The following CARHSP1 variants were observed in gnomAD, a reference collection of about 807,000 sequenced individuals.
CARHSP1 encodes calcium-regulated heat-stable protein 1.
Under a neutral mutation model 12.5 loss-of-function variants are expected in CARHSP1, and 14 were observed. That is an observed-to-expected ratio of 1.12 (90% CI 0.74 to 1.75). The LOEUF (loss-of-function observed/expected upper bound fraction) is 1.75. Ranked by LOEUF, CARHSP1 falls within the 40% of genes most tolerant of loss-of-function variation. The probability of loss-of-function intolerance (pLI) is 0.00; values close to 1 mark genes in which losing one functional copy is unlikely to be tolerated. For missense variants in CARHSP1, 343 were observed against 201.6 expected (o/e 1.70, Z -4.25); for synonymous variants, 161 against 82.0 (o/e 1.96, Z -5.20).
rs2061044255 is a variant in CARHSP1, at chr16:8,854,815, GGTT to G, written c.*346_*348del. 2.8e-5 allele frequency: 5 copies of G among 180,778 alleles called. No individual in the cohort carries two copies. Among genetic ancestry groups the G allele is most frequent in the Admixed American group, 2.5e-4 (4 of 16,004 alleles). The allele number at this position is 180,778 out of a possible 1,614,324, so 11.2% of individuals were successfully genotyped here. On this transcript the variant is annotated 3_prime_UTR_variant, in exon 4 of 4. Coordinates refer to ENST00000311052, the MANE Select transcript of CARHSP1 (RefSeq NM_014316.4). ...CTCCAGGAGGAAGAGGGATTCTGTG[GGTT>G]GAGCCCATGTGTCTGAGCAGCTGGA...
chr16:8,861,702 G>A (rs1476568939), intron 1 of CARHSP1: 3 of 1,288,860 alleles, frequency 2.3e-6, no homozygotes, highest in Non-Finnish European at 2.0e-6. Flanking sequence ...CGCGGCCAAG[G>A]AGGAACTCCT....
chr16:8,861,541 G>A, intron 1 of CARHSP1: 1 of 1,158,828 alleles, frequency 8.6e-7, no homozygotes, highest in Non-Finnish European at 1.1e-6. Flanking sequence ...GAGGAGAAGG[G>A]ATGCCCCATC....
In CARHSP1 at chr16:8,859,174, G is replaced by A. The variant is rs762364897; in HGVS notation, c.155C>T (p.Ser52Leu). ...PLPTRRTRTF[S>L]ATVRASQGPV... ...CCCCAGCCTGCTCCAGACTCACGCC[G>A]AGAAGGTCCTCGTCCGGCGAGTGGG... The change falls in exon 2 of 4, where the codon TCG becomes TTG. Residue 52 changes from serine (S) to leucine (L), a missense_variant. Coordinates refer to ENST00000311052, the MANE Select transcript of CARHSP1 (RefSeq NM_014316.4). 23 of 1,597,800 alleles carry A rather than the reference G, an allele frequency of 1.4e-5. No homozygotes were observed. Among genetic ancestry groups the A allele is most frequent in the East Asian group, 6.7e-5 (3 of 44,450 alleles).
Position 8,863,875 on chromosome 16 carries a change from C to G in CARHSP1, c.-7-4540G>C, listed in dbSNP as rs566860737. On this transcript the variant is annotated intron_variant, in intron 1 of 3. Transcript: ENST00000311052. ...ACACAAGGATGGGGCCACACAGCAGCCCCGCCCACCAGCACAGTCCCAGCT... is the reference window on the plus strand; with the variant it reads ...ACACAAGGATGGGGCCACACAGCAGGCCCGCCCACCAGCACAGTCCCAGCT... 4.5e-3 allele frequency among the ~76,000 whole-genome samples: 681 copies of G among 152,302 alleles called. 1 individual carries two copies. The highest frequency in any genetic ancestry group is 0.015 in the African/African-American group (639 of 41,570).
intron 1 of CARHSP1, chr16:8,866,539 C>T (rs866255472): frequency 2.5e-5 from 22 of 882,180 alleles, no homozygotes; most frequent in Non-Finnish European, 2.9e-5. Context: ...GGCCGAGAGG[C>T]GGGGCGGGTC....
intron 1 of CARHSP1, chr16:8,859,707 G>A (rs1289179096): frequency 5.9e-6 from 1 of 168,350 alleles, no homozygotes; most frequent in Non-Finnish European, 1.3e-5. Context: ...GCCGGGCGCA[G>A]TGGCTCACAC....
intron 1 of CARHSP1, among the ~76,000 whole-genome samples, chr16:8,863,687 C>T (rs1262265577): frequency 6.6e-6 from 1 of 152,158 alleles, no homozygotes; most frequent in Non-Finnish European, 1.5e-5. Context: ...CCACTCACTC[C>T]CCAGTAGGCC....
chr16:8,864,324 G>T (rs1010042368), intron 1 of CARHSP1, among the ~76,000 whole-genome samples: 1 of 142,232 alleles, frequency 7.0e-6, no homozygotes, highest in African/African-American at 2.5e-5. Context: ...CGCACAGCAC[G>T]CTGGGCACCT....
chr16:8,864,934 G>A (rs911040543), intron 1 of CARHSP1, among the ~76,000 whole-genome samples: 10 of 152,096 alleles, frequency 6.6e-5, no homozygotes, highest in Non-Finnish European at 4.4e-5. Context: ...GGAGACTTAC[G>A]GCCCAATCAT....
At chr16:8,861,869 G>A (rs1384628573) in intron 1 of CARHSP1, 7 of 1,163,478 alleles carry the variant, frequency 6.0e-6, no homozygotes, top group East Asian at 6.0e-5. Flanking sequence ...GCCCTGTCCA[G>A]GCCTCCCAGG....
chr16:8,858,125 C>T (rs886521227), intron 3 of CARHSP1: 92 of 575,788 alleles, frequency 1.6e-4, no homozygotes, highest in Non-Finnish European at 2.5e-4. Context: ...AGTACCGTGT[C>T]GCCCCCAGCC....
Position 8,854,192 on chromosome 16 carries a change from C to T in CARHSP1, c.*972G>A, listed in dbSNP as rs569080442. ...AGAAAAAAAAAATCCCTAAGCATTT[C>T]TTAACACTAGTTTTAAAGAAAACCC... is the stretch of plus-strand genomic sequence containing the variant. On this transcript the variant is annotated 3_prime_UTR_variant, in exon 4 of 4. Coordinates refer to ENST00000311052, the MANE Select transcript of CARHSP1 (RefSeq NM_014316.4). 1 of 152,234 alleles carries T rather than the reference C, an allele frequency of 6.6e-6. No homozygotes were observed. Among genetic ancestry groups the T allele is most frequent in the South Asian group, 2.1e-4 (1 of 4,828 alleles). 9.4% of individuals were successfully genotyped at this position (152,234 alleles called of 1,614,324 possible). A position where few individuals can be genotyped will look rare whatever the true frequency, so the allele number is the denominator to read the frequency against.
chr16:8,864,748 CACGCCCACCCTG>C (rs1228492339), intron 1 of CARHSP1, among the ~76,000 whole-genome samples: 1 of 152,200 alleles, frequency 6.6e-6, no homozygotes, highest in African/African-American at 2.4e-5. Flanking sequence ...GGCAGGAAGC[CACGCCCACCCTG>C]ACTGCCCCAG....
chr16:8,861,447 T>A (rs186123844), intron 1 of CARHSP1, among the ~76,000 whole-genome samples: 1 of 151,702 alleles, frequency 6.6e-6, no homozygotes, highest in East Asian at 2.0e-4. Flanking sequence ...ATAGGAGTCT[T>A]CAACCTACAT....
chr16:8,857,700 C>T (rs1382052409), intron 3 of CARHSP1: 1 of 151,136 alleles, frequency 6.6e-6, no homozygotes, highest in Non-Finnish European at 1.5e-5. Flanking sequence ...AGTGATTCTC[C>T]TGCCTCAGCC....
intron 2 of CARHSP1, chr16:8,858,821 A>G: frequency 2.4e-6 from 1 of 408,340 alleles, no homozygotes; most frequent in Non-Finnish European, 4.4e-6. Flanking sequence ...TCTGCCAGGC[A>G]TTATGTGGGT....
intron 3 of CARHSP1, among the ~76,000 whole-genome samples, 200 bp from the exon 4 acceptor site, chr16:8,855,526 C>CCT (rs2061072476): frequency 6.6e-6 from 1 of 152,178 alleles, no homozygotes; most frequent in Non-Finnish European, 1.5e-5. Flanking sequence ...GGCAAGGAGG[C>CCT]CCTGGCCCAA....
chr16:8,868,873 T>G (rs1469938266), intron 1 of CARHSP1, 93 bp downstream of exon 1: 1 of 151,430 alleles, frequency 6.6e-6, no homozygotes, highest in Non-Finnish European at 1.5e-5. Context: ...TGGGGGACGA[T>G]GGAGGCAGAG....
rs1237665457 is a variant in CARHSP1 at position 8,858,404 on chromosome 16, T to C, written c.227A>G (p.His76Arg). 1.9e-6 allele frequency: 3 copies of C among 1,614,108 alleles called. No homozygotes were observed. The highest frequency in any genetic ancestry group is 2.5e-6 in the Non-Finnish European group (3 of 1,180,026). Reference protein sequence around the residue: ...VCKCFCRSKGHGFITPADGGP... With the variant: ...VCKCFCRSKGRGFITPADGGP... ...GCCATCAGCTGGAGTAATGAAGCCATGGCCCTTGGACCGGCAGAAGCATTT... is the reference window on the plus strand; with the variant it reads ...GCCATCAGCTGGAGTAATGAAGCCACGGCCCTTGGACCGGCAGAAGCATTT... Residue 76 changes from histidine (H) to arginine (R), a missense_variant, in exon 3 of 4, where the codon CAT (histidine) becomes CGT (arginine). His to Arg is a conservative substitution (Grantham distance 29). Coordinates refer to ENST00000311052, the MANE Select transcript of CARHSP1 (RefSeq NM_014316.4).
Sources: gnomAD v4.1 joint callset for allele counts (sites outside exome capture counted in the v4.1 genomes callset) on GRCh38, gnomAD v4.1.1 for gene constraint, MANE v1.5 for transcripts, NCBI Gene and HGNC (gene_info 2026-07-23, HGNC 2026-07-21) for gene names.